The following CCDC7 variants were observed in gnomAD, a reference collection of about 807,000 sequenced individuals.
CCDC7 encodes coiled-coil domain containing 7, also known as coiled-coil domain-containing protein 7.
Under a neutral mutation model 196.9 loss-of-function variants are expected in CCDC7, and 183 were observed. The observed-to-expected ratio is 0.93, with a 90% CI of 0.82 to 1.05. The LOEUF (loss-of-function observed/expected upper bound fraction) is 1.05. Among genes scored for constraint, CCDC7 ranks in the 50% least tolerant of loss-of-function variants. The pLI is 0.00. For missense variants in CCDC7, 1,540 were observed against 1,482.2 expected, an observed-to-expected ratio of 1.04 and a Z score of -0.64; for synonymous variants, 525 against 484.6, an observed-to-expected ratio of 1.08 and a Z score of -1.10.
At chr10:32,593,923 C>A (rs996360466) in intron 18 of CCDC7, among the ~76,000 whole-genome samples, 2 of 152,126 alleles carry the variant, frequency 1.3e-5, no homozygotes, top group African/African-American at 2.4e-5. Flanking sequence ...TCTTTTGGTA[C>A]CTGTACCATG....
In CCDC7 at chr10:32,780,782, A is replaced by T. The variant is rs114532575; in HGVS notation, c.3013+1698A>T. Among the ~76,000 whole-genome samples the T allele has an allele frequency of 6.4e-3, 976 of 152,312 alleles. 9 individuals are homozygous for T. The highest frequency in any genetic ancestry group is 0.022 in the African/African-American group (926 of 41,584). On this transcript the variant is annotated intron_variant, in intron 29 of 41. Transcript: ENST00000639629. ...AATGGCAGAAATGTCTTTCCTTATC[A>T]GTAATTATTTTAAATGCAAATTGAT...
At position 32,595,385 on chromosome 10, in the gene CCDC7, G is replaced by A. The variant is rs532039168; in HGVS notation, c.1801+11081G>A. ...TGGTAGTTTGTATTTCTGTAGGATTGGTGGTGATATCCCCTTTATAATTTT... is the reference window on the plus strand; with the variant it reads ...TGGTAGTTTGTATTTCTGTAGGATTAGTGGTGATATCCCCTTTATAATTTT... On this transcript the variant is annotated intron_variant, in intron 18 of 41. Coordinates refer to ENST00000639629, the Ensembl canonical transcript of CCDC7. Among the ~76,000 whole-genome samples the A allele has an allele frequency of 1.2e-4, 19 of 152,180 alleles. No homozygotes were observed. In the East Asian group the frequency reaches 3.7e-3, roughly 29 times the overall value.
At chr10:32,465,223 T>A (rs1179814794) in intron 5 of CCDC7, among the ~76,000 whole-genome samples, 1 of 152,116 alleles carries the variant, frequency 6.6e-6, no homozygotes, top group Non-Finnish European at 1.5e-5. Context: ...ACAGTTAGAG[T>A]TGTTAATGGA....
chr10:32,723,998 A>G (rs1211202180), intron 25 of CCDC7, among the ~76,000 whole-genome samples: 1 of 151,980 alleles, frequency 6.6e-6, no homozygotes, highest in Non-Finnish European at 1.5e-5. Flanking sequence ...TTGCTTCCCC[A>G]GCTTTCCTAG....
At chr10:32,838,151 G>A (rs915948388) in intron 33 of CCDC7, among the ~76,000 whole-genome samples, 3 of 151,890 alleles carry the variant, frequency 2.0e-5, no homozygotes, top group Non-Finnish European at 2.9e-5. Flanking sequence ...GCATAAAGGG[G>A]GTATAGTGAC....
At chr10:32,532,399 A>G (rs1018721919) in intron 11 of CCDC7, among the ~76,000 whole-genome samples, 2 of 152,144 alleles carry the variant, frequency 1.3e-5, no homozygotes, top group Non-Finnish European at 2.9e-5. Flanking sequence ...TACAAATTAT[A>G]CTTGATATGA....
intron 31 of CCDC7, among the ~76,000 whole-genome samples, chr10:32,822,647 T>C (rs999953760): frequency 1.3e-5 from 2 of 151,988 alleles, no homozygotes; most frequent in African/African-American, 4.8e-5. Context: ...TATAAAGGAG[T>C]AATGTTTCTG....
intron 9 of CCDC7, among the ~76,000 whole-genome samples, chr10:32,517,013 TAATC>T (rs2047126128): frequency 6.6e-6 from 1 of 152,174 alleles, no homozygotes; most frequent in Non-Finnish European, 1.5e-5. Flanking sequence ...TTGTTGAAAA[TAATC>T]TATGGTCTAT....
chr10:32,845,795 AT>A, intron 35 of CCDC7, 80 bp from the exon 37 acceptor site: 2 of 1,189,614 alleles, frequency 1.7e-6, no homozygotes, highest in Non-Finnish European at 2.5e-6. Flanking sequence ...ACACACACAC[AT>A]ACACACACAC....
intron 37 of CCDC7, among the ~76,000 whole-genome samples, 187 bp from the exon 39 acceptor site, chr10:32,847,646 T>C (rs1487525481): frequency 2.7e-5 from 4 of 146,010 alleles, no homozygotes; most frequent in Middle Eastern, 3.5e-3. Context: ...GCCCAGGAGG[T>C]TGAAACTGCA....
chr10:32,558,877 C>A (rs189685160), intron 13 of CCDC7, among the ~76,000 whole-genome samples: 1 of 152,194 alleles, frequency 6.6e-6, no homozygotes, highest in African/African-American at 2.4e-5. Context: ...TTGCCTCACT[C>A]GGGAAGCGCA....
chr10:32,708,515 A>G (rs1469285123), intron 24 of CCDC7, among the ~76,000 whole-genome samples: 1 of 152,198 alleles, frequency 6.6e-6, no homozygotes, highest in African/African-American at 2.4e-5. Flanking sequence ...AAAAGAAACT[A>G]CCATCAGAGT....
At chr10:32,536,261 G>A (rs78283319) in intron 11 of CCDC7, among the ~76,000 whole-genome samples, 8,074 of 152,166 alleles carry the variant, frequency 0.053, 716 homozygotes, top group African/African-American at 0.18. Context: ...GTTAGTCTAT[G>A]ATCAGACCCC....
chr10:32,854,617 G>T (rs2093682547), intron 41 of CCDC7, 128 bp downstream of exon 42: 2 of 591,342 alleles, frequency 3.4e-6, no homozygotes, highest in Non-Finnish European at 5.9e-6. Context: ...GTGAGGCATG[G>T]TTTCCCAAAC....
At chr10:32,717,613 AATAG>A (rs141589298) in intron 25 of CCDC7, among the ~76,000 whole-genome samples, 8,066 of 152,218 alleles carry the variant, frequency 0.053, 698 homozygotes, top group African/African-American at 0.18. Context: ...AATTTAACAA[AATAG>A]ATAGACCACG....
At chr10:32,574,375 T>C in intron 16 of CCDC7, 1 of 1,438,390 alleles carries the variant, frequency 7.0e-7, no homozygotes, top group South Asian at 1.7e-5. Flanking sequence ...ATTCAAACTA[T>C]TAAGCACATG....
intron 23 of CCDC7, among the ~76,000 whole-genome samples, chr10:32,691,645 A>C (rs77762351): frequency 6.6e-6 from 1 of 152,228 alleles, no homozygotes; most frequent in Non-Finnish European, 1.5e-5. Flanking sequence ...TCCTCACTCC[A>C]TCAGTGATCT....
chr10:32,524,144 A>G (rs1380988869), intron 11 of CCDC7, among the ~76,000 whole-genome samples: 2 of 122,848 alleles, frequency 1.6e-5, no homozygotes, highest in Admixed American at 8.1e-5. Flanking sequence ...TTTTTTGTGT[A>G]TTCCTTGCTT....
At chr10:32,559,838 T>C (rs1433293631) in intron 13 of CCDC7, among the ~76,000 whole-genome samples, 1 of 152,010 alleles carries the variant, frequency 6.6e-6, no homozygotes, top group Non-Finnish European at 1.5e-5. Context: ...CTTTGACGAG[T>C]TGAGAGAAGA....
Sources: allele counts gnomAD v4.1 joint callset (sites outside exome capture counted in the v4.1 genomes callset), GRCh38; gene constraint gnomAD v4.1.1; transcripts MANE v1.5; gene names NCBI Gene and HGNC (gene_info 2026-07-23, HGNC 2026-07-21).